Variants in OCIAD1 observed in about 807,000 individuals in gnomAD.
The protein encoded by OCIAD1 is OCIA domain-containing protein 1.
OCIAD1 carries 29 observed loss-of-function variants against 38.9 expected under a neutral mutation model. The observed-to-expected ratio is 0.74, with a 90% CI of 0.55 to 1.02. OCIAD1 has a LOEUF of 1.02. OCIAD1 is among the 50% of genes least tolerant of loss of function. The pLI, the probability that OCIAD1 is intolerant of heterozygous loss-of-function variation, is 0.00. For synonymous variants in OCIAD1, 110 were observed against 92.0 expected (o/e 1.20, Z -1.12); for missense variants, 288 against 289.6 (o/e 0.99, Z 0.04).
intron 4 of OCIAD1, among the ~76,000 whole-genome samples, chr4:48,843,381 T>A (rs1778704580): frequency 2.6e-5 from 4 of 152,220 alleles, no homozygotes; most frequent in Admixed American, 2.0e-4. Context: ...CAGAAAAGGA[T>A]GGTGACCTTA....
chr4:48,838,595 A>T (rs1038196951), intron 3 of OCIAD1, among the ~76,000 whole-genome samples: 1 of 152,232 alleles, frequency 6.6e-6, no homozygotes, highest in Non-Finnish European at 1.5e-5. Flanking sequence ...TTGTACTTTA[A>T]CATTTGTACT....
At chr4:48,854,746 G>A (rs777581097) in intron 7 of OCIAD1, among the ~76,000 whole-genome samples, 17 of 152,266 alleles carry the variant, frequency 1.1e-4, no homozygotes, top group South Asian at 2.1e-4. Flanking sequence ...CTCTCCACAT[G>A]GGCCAGCAGT....
chr4:48,850,844 G>T (rs1047361594), intron 6 of OCIAD1, among the ~76,000 whole-genome samples: 1 of 152,158 alleles, frequency 6.6e-6, no homozygotes, highest in African/African-American at 2.4e-5. Context: ...CAAAGTGCTG[G>T]GATTACAGGC....
chr4:48,817,092 T>C (rs1259133496), intron 1 of OCIAD1, among the ~76,000 whole-genome samples: 2 of 152,158 alleles, frequency 1.3e-5, no homozygotes, highest in African/African-American at 4.8e-5. Flanking sequence ...AGGCACCCAG[T>C]TCATCTCACT....
chr4:48,807,411 C>A (rs1777040428), intron 1 of OCIAD1, among the ~76,000 whole-genome samples: 2 of 152,086 alleles, frequency 1.3e-5, no homozygotes, highest in South Asian at 4.2e-4. Context: ...ATATGAACTT[C>A]AGTAAATTAC....
intron 6 of OCIAD1, among the ~76,000 whole-genome samples, chr4:48,850,738 T>C (rs1455736916): frequency 6.6e-6 from 1 of 152,166 alleles, no homozygotes; most frequent in Non-Finnish European, 1.5e-5. Flanking sequence ...CACGCCTAGC[T>C]AATTTTTTGT....
At chr4:48,854,381 C>T (rs73815375) in intron 7 of OCIAD1, among the ~76,000 whole-genome samples, 4,298 of 152,218 alleles carry the variant, frequency 0.028, 211 homozygotes, top group African/African-American at 0.097. Flanking sequence ...AATTTATGAA[C>T]TGTTTATTTC....
At chr4:48,848,098 G>GT (rs1204629305) in intron 4 of OCIAD1, among the ~76,000 whole-genome samples, 1 of 150,286 alleles carries the variant, frequency 6.7e-6, no homozygotes, top group East Asian at 2.0e-4. Context: ...AAAAATGTTT[G>GT]TTTTTTTGTT....
intron 4 of OCIAD1, among the ~76,000 whole-genome samples, chr4:48,844,372 T>C (rs1351509435): frequency 6.6e-6 from 1 of 152,060 alleles, no homozygotes; most frequent in East Asian, 1.9e-4. Flanking sequence ...AGAAGTGATA[T>C]TGGGAGGCCG....
intron 1 of OCIAD1, among the ~76,000 whole-genome samples, chr4:48,819,452 A>C (rs1313208893): frequency 1.4e-4 from 22 of 152,138 alleles, no homozygotes; most frequent in Admixed American, 1.4e-3. Context: ...ACAACCCAAA[A>C]TATAAAGACC....
chr4:48,819,143 C>T (rs1290716619), intron 1 of OCIAD1, among the ~76,000 whole-genome samples: 3 of 151,714 alleles, frequency 2.0e-5, no homozygotes, highest in South Asian at 4.2e-4. Context: ...AACATGAAAA[C>T]GAAGGAAAAA....
In OCIAD1 at chr4:48,847,546, A is replaced by G. The variant is rs1428932154; in HGVS notation, c.194-853A>G. On this transcript the variant is annotated intron_variant, in intron 4 of 8. Coordinates refer to ENST00000264312, the MANE Select transcript of OCIAD1 (RefSeq NM_017830.4). ...GTAAAATTTTTTAAAAAAATCTTTC[A>G]TATTTAAATTTTTAAGCCATCTGGA... 2.6e-5 allele frequency among the ~76,000 whole-genome samples: 4 copies of G among 152,212 alleles called. No individual in the cohort carries two copies. The South Asian group carries it at 8.3e-4, about 31-fold the overall frequency.
chr4:48,845,622 T>C (rs1409493137), intron 4 of OCIAD1, among the ~76,000 whole-genome samples: 4 of 152,238 alleles, frequency 2.6e-5, no homozygotes, highest in Non-Finnish European at 5.9e-5. Flanking sequence ...TGGGAAATGT[T>C]GGTGTTACTA....
At chr4:48,830,947 C>G (rs1167846723), upstream of OCIAD1, 2 of 156,792 alleles carry the variant, frequency 1.3e-5, no homozygotes, top group Non-Finnish European at 2.9e-5. Context: ...CAGTGCGGCT[C>G]GTGGCCGCAG....
intron 1 of OCIAD1, among the ~76,000 whole-genome samples, chr4:48,823,630 T>C (rs1251815151): frequency 2.6e-5 from 4 of 152,058 alleles, no homozygotes; most frequent in Admixed American, 2.6e-4. Context: ...CTTTTTTAAA[T>C]GATGATCTCT....
intron 1 of OCIAD1, among the ~76,000 whole-genome samples, chr4:48,809,931 T>C (rs1777068627): frequency 1.3e-5 from 2 of 152,214 alleles, no homozygotes; most frequent in South Asian, 2.1e-4. Flanking sequence ...AATCAGACCG[T>C]ATGGATTTGA....
At chr4:48,844,450 C>T (rs1324078695) in intron 4 of OCIAD1, among the ~76,000 whole-genome samples, 2 of 151,928 alleles carry the variant, frequency 1.3e-5, no homozygotes, top group Non-Finnish European at 2.9e-5. Flanking sequence ...CCCATCTCTA[C>T]TAAAAATACA....
chr4:48,844,885 T>C (rs1038346278), intron 4 of OCIAD1, among the ~76,000 whole-genome samples: 2 of 152,226 alleles, frequency 1.3e-5, no homozygotes, highest in African/African-American at 2.4e-5. Flanking sequence ...GTAAACACTA[T>C]GTAAATAGTT....
intron 7 of OCIAD1, among the ~76,000 whole-genome samples, chr4:48,854,862 G>A (rs1779874656): frequency 6.6e-6 from 1 of 152,222 alleles, no homozygotes; most frequent in African/African-American, 2.4e-5. Context: ...GGAATTCAGA[G>A]AGTTATTAAT....
Sources: gnomAD v4.1 joint callset for allele counts (sites outside exome capture counted in the v4.1 genomes callset) on GRCh38, gnomAD v4.1.1 for gene constraint, MANE v1.5 for transcripts, NCBI Gene and HGNC (gene_info 2026-07-23, HGNC 2026-07-21) for gene names.